The following VWF variants were observed in gnomAD, a reference collection of about 807,000 sequenced individuals.
VWF encodes the protein von Willebrand factor.
VWF carries 176 observed loss-of-function variants against 308.6 expected under a neutral mutation model. That is an observed-to-expected ratio of 0.57 (90% confidence interval 0.50 to 0.65). The LOEUF is 0.65. Among genes scored for constraint, VWF ranks in the 30% least tolerant of loss-of-function variants. VWF has a pLI of 0.00. For missense variants in VWF, 3,146 were observed against 3,648.2 expected (o/e 0.86, Z 3.55); for synonymous variants, 1,385 against 1,443.4 (o/e 0.96, Z 0.92).
At chr12:6,057,467 C>G (rs982079173) in intron 14 of VWF, among the ~76,000 whole-genome samples, 3 of 135,948 alleles carry the variant, frequency 2.2e-5, no homozygotes, top group Non-Finnish European at 3.2e-5. Context: ...CGCGCCCCAC[C>G]ACGCCCGGCA....
At chr12:5,991,165 TCTCACACACACA>T (rs1943737348) in intron 38 of VWF, among the ~76,000 whole-genome samples, 1 of 88,224 alleles carries the variant, frequency 1.1e-5, no homozygotes, top group African/African-American at 4.1e-5. Flanking sequence ...CCCAAGGGAT[TCTCACACACACA>T]CACACACACA....
At chr12:6,060,000 T>A (rs1220521134) in intron 13 of VWF, among the ~76,000 whole-genome samples, 1 of 151,484 alleles carries the variant, frequency 6.6e-6, no homozygotes, top group African/African-American at 2.4e-5. Flanking sequence ...GCGTTTTCAT[T>A]CACCCCCACC....
At chr12:6,026,140 C>A in intron 22 of VWF, 94 bp from the exon 23 acceptor site, 5 of 1,573,962 alleles carry the variant, frequency 3.2e-6, no homozygotes, top group Non-Finnish European at 4.4e-6. Context: ...GCAATGGAGG[C>A]AGAGGGCATT....
intron 6 of VWF, among the ~76,000 whole-genome samples, chr12:6,090,058 T>C (rs1303292994): frequency 5.9e-5 from 9 of 152,050 alleles, no homozygotes; most frequent in Non-Finnish European, 1.0e-4. Context: ...CCCAGGTTCA[T>C]GCCATTCTCC....
chr12:5,949,722 A>C (rs902657055), intron 51 of VWF, 64 bp downstream of exon 51: 9 of 1,476,606 alleles, frequency 6.1e-6, no homozygotes, highest in Non-Finnish European at 8.5e-6. Context: ...GTAACTAAGG[A>C]TAGGTATCCG....
At chr12:5,953,395 A>G (rs1276320701) in intron 48 of VWF, 101 bp downstream of exon 48, 2 of 872,886 alleles carry the variant, frequency 2.3e-6, no homozygotes, top group South Asian at 1.4e-5. Flanking sequence ...AAAGAAGCCA[A>G]TACTGAACCA....
intron 34 of VWF, among the ~76,000 whole-genome samples, chr12:6,006,129 A>G (rs764874818): frequency 1.3e-4 from 20 of 152,214 alleles, no homozygotes; most frequent in Admixed American, 1.3e-3. Context: ...GAGAGGCAGT[A>G]AAAGAGTAGA....
chr12:6,031,722 G>A (rs569303699), intron 20 of VWF, 144 bp from the exon 21 acceptor site: 1 of 1,320,124 alleles, frequency 7.6e-7, no homozygotes, highest in African/African-American at 1.5e-5. Context: ...GTGCCTCTGT[G>A]TGTGTCTGGG....
rs776268929 is a variant in VWF, at chr12:6,021,955, C to T, written c.3619G>A (p.Ala1207Thr). The T allele has an allele frequency of 6.2e-7, 1 of 1,614,060 alleles. No individual in the cohort carries two copies. Among genetic ancestry groups the T allele is most frequent in the Admixed American group, 1.7e-5 (1 of 60,000 alleles). The change falls in exon 27 of 52, where the codon GCC becomes ACC. Residue 1207 changes from alanine (A) to threonine (T), a missense_variant. Around this residue, in one of 3 missense-constraint regions of VWF, gnomAD observed 853 missense variants for 1,177.8 expected, o/e 0.72. Transcript: ENST00000261405. ...PVCEVAGRRF[A>T]SGKKVTLNPS... Reference sequence around the variant, plus strand: ...TTCAAGGTGACTTTCTTTCCTGAGGCAAAACGCCGGCCAGCCACCTCACAC... The same window carrying T: ...TTCAAGGTGACTTTCTTTCCTGAGGTAAAACGCCGGCCAGCCACCTCACAC...
intron 6 of VWF, among the ~76,000 whole-genome samples, chr12:6,087,416 T>A (rs73266841): frequency 0.16 from 21,994 of 141,504 alleles, 2,003 homozygotes; most frequent in East Asian, 0.42. Flanking sequence ...TGGAGTGCAG[T>A]GGTGCGATCT....
chr12:6,105,376 G>A (rs1480241489), intron 5 of VWF, among the ~76,000 whole-genome samples: 1 of 152,008 alleles, frequency 6.6e-6, no homozygotes, highest in Non-Finnish European at 1.5e-5. Flanking sequence ...TTACAGGCAT[G>A]TGCTACCACC....
chr12:5,989,647 G>C (rs1943716125), intron 38 of VWF, among the ~76,000 whole-genome samples: 1 of 152,146 alleles, frequency 6.6e-6, no homozygotes, highest in Non-Finnish European at 1.5e-5. Context: ...TAATGTGTTG[G>C]ACTGAAGATG....
chr12:5,982,532 G>C (rs894178036), intron 41 of VWF, among the ~76,000 whole-genome samples: 5 of 152,152 alleles, frequency 3.3e-5, no homozygotes, highest in Admixed American at 6.5e-5. Flanking sequence ...TCCTTTGCCT[G>C]TTTCCAGCTC....
At chr12:6,037,734 G>A (rs934149079) in intron 18 of VWF, among the ~76,000 whole-genome samples, 4 of 152,132 alleles carry the variant, frequency 2.6e-5, no homozygotes, top group Non-Finnish European at 5.9e-5. Flanking sequence ...CCTGCAGGGC[G>A]AGAAGCTCCT....
intron 6 of VWF, among the ~76,000 whole-genome samples, chr12:6,076,227 A>AT (rs1240800419): frequency 6.6e-6 from 1 of 152,216 alleles, no homozygotes; most frequent in Non-Finnish European, 1.5e-5. Flanking sequence ...CCTCAACCTG[A>AT]TAACACAGGC....
At chr12:5,987,245 ACCAC>A (rs1279850606) in intron 38 of VWF, among the ~76,000 whole-genome samples, 3 of 152,210 alleles carry the variant, frequency 2.0e-5, no homozygotes, top group African/African-American at 7.2e-5. Flanking sequence ...ATGGTTTTAA[ACCAC>A]CATGCTCTGC....
chr12:6,010,580 T>C (rs796942867), intron 34 of VWF, among the ~76,000 whole-genome samples: 12 of 152,360 alleles, frequency 7.9e-5, no homozygotes, highest in African/African-American at 2.6e-4. Context: ...CATTGCAGCA[T>C]TGCTTGTCAT....
intron 31 of VWF, among the ~76,000 whole-genome samples, chr12:6,014,111 T>C (rs1443360669): frequency 6.6e-6 from 1 of 151,892 alleles, no homozygotes; most frequent in Non-Finnish European, 1.5e-5. Flanking sequence ...GCCAAGAGGA[T>C]GTCTGAGGGA....
Position 5,967,396 on chromosome 12 carries a change from T to G in VWF, c.7887+90A>C. Reference sequence around the variant, plus strand: ...TTATAATCAGAAAATAATGAGAGATTTATTTATTTAAAGACCGCAGTGAGG... The same window carrying G: ...TTATAATCAGAAAATAATGAGAGATGTATTTATTTAAAGACCGCAGTGAGG... On this transcript the variant is annotated intron_variant, in intron 47 of 51. Transcript: ENST00000261405. The G allele has an allele frequency of 3.9e-6, 4 of 1,027,776 alleles. No homozygotes were observed. In the South Asian group the frequency reaches 5.0e-5, roughly 13 times the overall value. The allele number at this position is 1,027,776 out of a possible 1,614,324, so 63.7% of individuals were successfully genotyped here. A position where few individuals can be genotyped will look rare whatever the true frequency, so the allele number is the denominator to read the frequency against.
Sources: gnomAD v4.1 joint callset for allele counts (sites outside exome capture counted in the v4.1 genomes callset) on GRCh38, gnomAD v4.1.1 for gene constraint, gnomAD v4.1.1 regional missense constraint, MANE v1.5 for transcripts, NCBI Gene and HGNC (gene_info 2026-07-23, HGNC 2026-07-21) for gene names.